EXT1: variants seen among roughly 807,000 people sequenced by gnomAD.
EXT1 encodes exostosin glycosyltransferase 1, also known as exostosin-1.
Under a neutral mutation model 82.5 loss-of-function variants are expected in EXT1, and 20 were observed. The observed-to-expected ratio is 0.24, with a 90% CI of 0.17 to 0.35. The LOEUF (loss-of-function observed/expected upper bound fraction) is 0.35. Among genes scored for constraint, EXT1 ranks in the 10% least tolerant of loss-of-function variants. The pLI, the probability that EXT1 is intolerant of heterozygous loss-of-function variation, is 1.00. For missense variants in EXT1, 757 were observed against 936.5 expected (o/e 0.81, Z 2.50); for synonymous variants, 348 against 350.8 (o/e 0.99, Z 0.09).
intron 1 of EXT1, among the ~76,000 whole-genome samples, chr8:118,003,974 A>G (rs534023145): frequency 1.3e-5 from 2 of 152,358 alleles, no homozygotes; most frequent in Non-Finnish European, 2.9e-5. Context: ...GAAATTGTGA[A>G]TCAAAACTTA....
At chr8:117,857,777 A>G (rs1003344091) in intron 1 of EXT1, among the ~76,000 whole-genome samples, 2 of 152,232 alleles carry the variant, frequency 1.3e-5, no homozygotes, top group Admixed American at 6.5e-5. Context: ...TATAGCTGAC[A>G]GAGATGGTGA....
intron 1 of EXT1, among the ~76,000 whole-genome samples, chr8:118,069,474 GA>G (rs1387997706): frequency 1.3e-5 from 2 of 152,112 alleles, no homozygotes; most frequent in Non-Finnish European, 2.9e-5. Context: ...TACAAATCAT[GA>G]AACTACAAAC....
chr8:117,930,117 T>C (rs987911852), intron 1 of EXT1, among the ~76,000 whole-genome samples: 2 of 149,254 alleles, frequency 1.3e-5, no homozygotes, highest in Non-Finnish European at 1.5e-5. Context: ...AAAAAAAAAA[T>C]AAAGACAGAA....
chr8:117,965,813 TA>T (rs1814796880), intron 1 of EXT1, among the ~76,000 whole-genome samples: 1 of 152,224 alleles, frequency 6.6e-6, no homozygotes, highest in Non-Finnish European at 1.5e-5. Flanking sequence ...TTTTTAATCC[TA>T]ATTATGTGCT....
chr8:118,032,729 C>A (rs1816348033), intron 1 of EXT1, among the ~76,000 whole-genome samples: 1 of 151,944 alleles, frequency 6.6e-6, no homozygotes, highest in Non-Finnish European at 1.5e-5. Flanking sequence ...AGGCTGGTCT[C>A]GAACTCCCGA....
intron 1 of EXT1, among the ~76,000 whole-genome samples, chr8:117,921,534 C>T (rs1311755076): frequency 6.6e-6 from 1 of 152,200 alleles, no homozygotes; most frequent in Admixed American, 6.5e-5. Context: ...CTAGTTCAGA[C>T]AACTTCATGA....
At position 118,001,281 on chromosome 8, in the gene EXT1, G is replaced by A. The variant is rs185187666; in HGVS notation, c.962+108804C>T. On this transcript the variant is annotated intron_variant, in intron 1 of 10. Coordinates refer to ENST00000378204, the MANE Select transcript of EXT1 (RefSeq NM_000127.3). ...GGCTCATTGCAACTTCCACCTCCCA[G>A]GTTCAGGCAATTCTCGTGCCTCAGC... Among the ~76,000 whole-genome samples, 103 of 152,246 alleles carry A rather than the reference G, an allele frequency of 6.8e-4. 1 individual carries two copies. The East Asian group carries it at 0.015, about 22-fold the overall frequency.
chr8:118,074,160 G>C (rs1358613709), intron 1 of EXT1, among the ~76,000 whole-genome samples: 2 of 152,040 alleles, frequency 1.3e-5, no homozygotes, highest in Non-Finnish European at 2.9e-5. Flanking sequence ...GACGGGGAGG[G>C]GGAGGGAAGA....
rs917593457 is a variant in EXT1, at chr8:117,862,031, G to T, written c.963-24830C>A. 4.1e-5 allele frequency among the ~76,000 whole-genome samples: 6 copies of T among 145,852 alleles called. 1 individual carries two copies. Among genetic ancestry groups the T allele is most frequent in the Non-Finnish European group, 9.2e-5 (6 of 64,922 alleles). ...TCAAACTTTCAAAACCCACACAAAAGAATTTGTACGACACTGATGAAAATT... is the reference window on the plus strand; with the variant it reads ...TCAAACTTTCAAAACCCACACAAAATAATTTGTACGACACTGATGAAAATT... On this transcript the variant is annotated intron_variant, in intron 1 of 10. Coordinates refer to ENST00000378204, the MANE Select transcript of EXT1 (RefSeq NM_000127.3).
intron 1 of EXT1, among the ~76,000 whole-genome samples, chr8:118,045,791 C>CT (rs144284583): frequency 0.039 from 5,851 of 148,492 alleles, 379 homozygotes; most frequent in African/African-American, 0.14. Flanking sequence ...GACTGGATGT[C>CT]TTTTTTTTTT....
chr8:117,963,050 T>C (rs959241287), intron 1 of EXT1, among the ~76,000 whole-genome samples: 1 of 152,144 alleles, frequency 6.6e-6, no homozygotes, highest in Non-Finnish European at 1.5e-5. Context: ...ATGAGGAACA[T>C]CTGAGCTGCT....
chr8:117,948,425 G>A (rs1814429873), intron 1 of EXT1, among the ~76,000 whole-genome samples: 1 of 151,436 alleles, frequency 6.6e-6, no homozygotes, highest in African/African-American at 2.4e-5. Context: ...CCCTGCTCAA[G>A]CAGCAGGTTG....
intron 8 of EXT1, 44 bp downstream of exon 8, chr8:117,812,826 ACT>A: frequency 6.6e-7 from 1 of 1,510,480 alleles, no homozygotes; most frequent in Non-Finnish European, 9.2e-7. Context: ...ACATGAGGTG[ACT>A]GCCTGAACAG....
At chr8:117,899,640 T>C (rs1247452357) in intron 1 of EXT1, among the ~76,000 whole-genome samples, 1 of 151,950 alleles carries the variant, frequency 6.6e-6, no homozygotes, top group African/African-American at 2.4e-5. Flanking sequence ...GCTACATAAA[T>C]CTATTAATCC....
chr8:118,003,219 A>G (rs1257364581), intron 1 of EXT1, among the ~76,000 whole-genome samples: 1 of 152,152 alleles, frequency 6.6e-6, no homozygotes, highest in Non-Finnish European at 1.5e-5. Context: ...CAACGGCATA[A>G]GAATGAGAAA....
intron 1 of EXT1, among the ~76,000 whole-genome samples, chr8:118,034,191 G>C (rs1177481792): frequency 6.6e-6 from 1 of 152,062 alleles, no homozygotes. Context: ...GTGATTCTCT[G>C]TTAACTCTTG....
intron 1 of EXT1, among the ~76,000 whole-genome samples, chr8:117,962,743 A>G (rs1009899005): frequency 2.7e-5 from 4 of 148,352 alleles, no homozygotes; most frequent in Non-Finnish European, 4.4e-5. Flanking sequence ...ATGGGGAAAG[A>G]CTCCATCCCC....
chr8:118,047,385 C>A (rs1179978484), intron 1 of EXT1, among the ~76,000 whole-genome samples: 1 of 152,056 alleles, frequency 6.6e-6, no homozygotes, highest in Non-Finnish European at 1.5e-5. Flanking sequence ...TAGTACTTAA[C>A]CCTCTTAGGT....
At chr8:118,050,014 T>C (rs766996062) in intron 1 of EXT1, among the ~76,000 whole-genome samples, 2 of 152,190 alleles carry the variant, frequency 1.3e-5, no homozygotes, top group African/African-American at 4.8e-5. Context: ...CCTTCTTTTA[T>C]TCAAGGTCAA....
Sources: allele counts gnomAD v4.1 joint callset (sites outside exome capture counted in the v4.1 genomes callset), GRCh38; gene constraint gnomAD v4.1.1; transcripts MANE v1.5; gene names NCBI Gene and HGNC (gene_info 2026-07-23, HGNC 2026-07-21).